The following PDGFRL variants were observed in gnomAD, a reference collection of about 807,000 sequenced individuals.
PDGFRL encodes the protein platelet-derived growth factor receptor-like protein.
Under a neutral mutation model 37.2 loss-of-function variants are expected in PDGFRL, and 46 were observed. That is an observed-to-expected ratio of 1.24 (90% confidence interval 0.98 to 1.58). The LOEUF is 1.58. Ranked by LOEUF, PDGFRL falls within the 40% of genes most tolerant of loss-of-function variation. The probability of loss-of-function intolerance (pLI) is 0.00; values close to 1 mark genes in which losing one functional copy is unlikely to be tolerated. For missense variants in PDGFRL, 692 were observed against 467.6 expected, an observed-to-expected ratio of 1.48 and a Z score of -4.43; for synonymous variants, 251 against 184.3, an observed-to-expected ratio of 1.36 and a Z score of -2.93.
chr8:17,578,981 C>CCT (rs1319911454), intron 1 of PDGFRL, among the ~76,000 whole-genome samples: 57 of 152,088 alleles, frequency 3.7e-4, no homozygotes, highest in African/African-American at 1.4e-3. Flanking sequence ...AGGTGGATCA[C>CCT]AAGGTCAGGA....
intron 3 of PDGFRL, among the ~76,000 whole-genome samples, chr8:17,627,977 T>TTTTC (rs1197723566): frequency 8.0e-4 from 113 of 141,060 alleles, no homozygotes; most frequent in South Asian, 3.0e-3. Context: ...ACCTTTTCTG[T>TTTTC]TTTCTTTCTT....
At chr8:17,577,142 A>AATCCTCCC, upstream of PDGFRL, 1 of 1,477,714 alleles carries the variant, frequency 6.8e-7, no homozygotes, top group Non-Finnish European at 9.0e-7. Context: ...GAAGAAACCG[A>AATCCTCCC]ATCCTCCCGC....
chr8:17,595,620 C>A (rs1212448016), intron 2 of PDGFRL, among the ~76,000 whole-genome samples: 1 of 152,188 alleles, frequency 6.6e-6, no homozygotes, highest in Admixed American at 6.5e-5. Context: ...AGGGCTTGAC[C>A]TCAGAGCTCC....
At chr8:17,632,489 C>T (rs1282507004) in intron 4 of PDGFRL, among the ~76,000 whole-genome samples, 1 of 152,104 alleles carries the variant, frequency 6.6e-6, no homozygotes, top group Non-Finnish European at 1.5e-5. Context: ...AGGCATGCGC[C>T]ACCATGCCCA....
chr8:17,609,220 G>A (rs943700595), intron 2 of PDGFRL, among the ~76,000 whole-genome samples: 1 of 151,440 alleles, frequency 6.6e-6, no homozygotes, highest in Non-Finnish European at 1.5e-5. Flanking sequence ...AATAAAATAG[G>A]AGCCAGCTGG....
intron 2 of PDGFRL, among the ~76,000 whole-genome samples, chr8:17,592,530 G>A (rs991265460): frequency 5.3e-5 from 8 of 152,150 alleles, no homozygotes; most frequent in Admixed American, 4.6e-4. Flanking sequence ...GACCTCTGCC[G>A]TCCTCTGGAG....
chr8:17,587,584 C>T (rs1033521858), intron 1 of PDGFRL, among the ~76,000 whole-genome samples: 7 of 152,154 alleles, frequency 4.6e-5, no homozygotes, highest in African/African-American at 7.2e-5. Flanking sequence ...TGCTCTGTCA[C>T]CCAGACTGCA....
intron 1 of PDGFRL, among the ~76,000 whole-genome samples, chr8:17,578,095 ATTG>A (rs1227480321): frequency 6.6e-6 from 1 of 151,636 alleles, no homozygotes; most frequent in Non-Finnish European, 1.5e-5. Context: ...ATTATATATT[ATTG>A]TTAGCATTTA....
chr8:17,630,629 GCTCCC>G (rs890729567), intron 4 of PDGFRL, among the ~76,000 whole-genome samples: 32 of 152,036 alleles, frequency 2.1e-4, no homozygotes, highest in African/African-American at 6.0e-4. Context: ...AGTTCCCTCC[GCTCCC>G]CTCCCCTCCC....
intron 2 of PDGFRL, among the ~76,000 whole-genome samples, chr8:17,607,967 C>G (rs1804318785): frequency 6.6e-6 from 1 of 152,188 alleles, no homozygotes; most frequent in Admixed American, 6.5e-5. Flanking sequence ...CTTGGCGGCT[C>G]CGTCCCACCC....
At chr8:17,599,730 C>G (rs532519453) in intron 2 of PDGFRL, among the ~76,000 whole-genome samples, 1 of 152,202 alleles carries the variant, frequency 6.6e-6, no homozygotes. Flanking sequence ...ATCTCTCTGA[C>G]TTTCAGCTAA....
intron 1 of PDGFRL, 140 bp from the exon 2 acceptor site, chr8:17,589,328 G>A: frequency 2.9e-6 from 2 of 678,776 alleles, no homozygotes; most frequent in Non-Finnish European, 5.1e-6. Flanking sequence ...GGAGGTTGCA[G>A]TGAGCTGAGA....
chr8:17,603,079 T>C (rs978753505), intron 2 of PDGFRL, among the ~76,000 whole-genome samples: 3 of 152,164 alleles, frequency 2.0e-5, no homozygotes, highest in Non-Finnish European at 4.4e-5. Context: ...GCCTCCTGGG[T>C]TCAGGTGACT....
intron 1 of PDGFRL, among the ~76,000 whole-genome samples, chr8:17,586,454 C>G (rs947452326): frequency 2.0e-5 from 3 of 152,170 alleles, no homozygotes; most frequent in African/African-American, 7.2e-5. Flanking sequence ...CAACAATATG[C>G]TAATCTCTAA....
At chr8:17,624,170 C>T (rs760467992) in intron 3 of PDGFRL, among the ~76,000 whole-genome samples, 4 of 152,162 alleles carry the variant, frequency 2.6e-5, no homozygotes, top group Non-Finnish European at 5.9e-5. Context: ...TGGGCTGTTA[C>T]AGAAGCTGAG....
At chr8:17,632,121 C>T (rs2588262) in intron 4 of PDGFRL, among the ~76,000 whole-genome samples, 198 of 152,240 alleles carry the variant, frequency 1.3e-3, no homozygotes, top group Non-Finnish European at 2.4e-3. Flanking sequence ...CCTTCACCCA[C>T]GGGTCAGGCC....
At chr8:17,583,408 T>G (rs140214891) in intron 1 of PDGFRL, among the ~76,000 whole-genome samples, 122 of 152,284 alleles carry the variant, frequency 8.0e-4, no homozygotes, top group African/African-American at 2.5e-3. Context: ...GAAGGCTTGT[T>G]TTTGATTTTC....
chr8:17,619,031 C>A (rs960115022), intron 2 of PDGFRL, among the ~76,000 whole-genome samples: 1 of 152,162 alleles, frequency 6.6e-6, no homozygotes, highest in Admixed American at 6.5e-5. Context: ...ACAAGCTATT[C>A]CGCAGTGAAC....
rs1187999192 is a variant in PDGFRL, at chr8:17,628,555, G to T, written c.574G>T (p.Ala192Ser). ...TGTCTACTTGAACCCGGACAGACAG[G>T]CTGTGGTTCCTTGTCGGGTGACCGT... ...DVVYLNPDRQ[A>S]VVPCRVTVLS... The change falls in exon 4 of 6, where the codon GCT becomes TCT. Residue 192 changes from alanine (A) to serine (S), a missense_variant. Transcript: ENST00000251630. 2.5e-6 allele frequency: 4 copies of T among 1,613,874 alleles called. No individual in the cohort carries two copies. Among genetic ancestry groups the T allele is most frequent in the African/African-American group, 2.7e-5 (2 of 74,912 alleles).
Sources: gnomAD v4.1 joint callset for allele counts (sites outside exome capture counted in the v4.1 genomes callset) on GRCh38, gnomAD v4.1.1 for gene constraint, MANE v1.5 for transcripts, NCBI Gene and HGNC (gene_info 2026-07-23, HGNC 2026-07-21) for gene names.